PRKCQ: variants seen among roughly 807,000 people sequenced by gnomAD.
PRKCQ encodes protein kinase C theta type.
In PRKCQ, 41 loss-of-function variants were observed where a neutral mutation model predicts 91.2. The ratio of observed to expected loss-of-function variants is 0.45; its 90% confidence interval spans 0.35 to 0.58. PRKCQ has a LOEUF of 0.58. Ranked by LOEUF, PRKCQ falls within the 20% of genes least tolerant of loss-of-function variation. The pLI is 0.00. For missense variants in PRKCQ, 673 were observed against 896.5 expected (o/e 0.75, Z 3.18); for synonymous variants, 307 against 316.9 (o/e 0.97, Z 0.33).
chr10:6,491,320 G>A (rs1186040790), intron 8 of PRKCQ, among the ~76,000 whole-genome samples: 1 of 152,222 alleles, frequency 6.6e-6, no homozygotes, highest in Non-Finnish European at 1.5e-5. Context: ...GACCTGTTGG[G>A]ATTAGGAAGG....
intron 1 of PRKCQ, among the ~76,000 whole-genome samples, chr10:6,518,710 A>T (rs1427281475): frequency 1.3e-5 from 2 of 151,484 alleles, no homozygotes; most frequent in Non-Finnish European, 2.9e-5. Flanking sequence ...AATCCCAGCG[A>T]CTCTGGAGGC....
chr10:6,483,863 C>T (rs1424894285), intron 10 of PRKCQ, among the ~76,000 whole-genome samples: 1 of 152,110 alleles, frequency 6.6e-6, no homozygotes, highest in African/African-American at 2.4e-5. Context: ...GGAAATAGTT[C>T]AACTTAAGAA....
At chr10:6,567,204 A>G (rs1190023480) in intron 1 of PRKCQ, among the ~76,000 whole-genome samples, 1 of 152,244 alleles carries the variant, frequency 6.6e-6, no homozygotes, top group African/African-American at 2.4e-5. Flanking sequence ...TCCACACATC[A>G]GAGGCGACTT....
In PRKCQ at chr10:6,428,133, G is replaced by A; in HGVS notation, c.*74C>T. On this transcript the variant is annotated 3_prime_UTR_variant, in exon 18 of 18. Transcript: ENST00000263125. ...TCTTTCTTTTTCCAAGTTGAAAAAG[G>A]AACCCAAGCAGTGTCTCTTGAACCA... 1 of 1,564,108 alleles carries A rather than the reference G, an allele frequency of 6.4e-7. No individual in the cohort carries two copies. The highest frequency in any genetic ancestry group is 8.7e-7 in the Non-Finnish European group (1 of 1,144,886).
intron 1 of PRKCQ, among the ~76,000 whole-genome samples, chr10:6,562,164 C>T (rs765415045): frequency 3.7e-4 from 56 of 152,060 alleles, no homozygotes; most frequent in Admixed American, 1.1e-3. Flanking sequence ...GAAGGAGAAG[C>T]CCACTCAGGC....
chr10:6,448,722 A>T (rs963488744), intron 15 of PRKCQ, among the ~76,000 whole-genome samples: 2 of 152,092 alleles, frequency 1.3e-5, no homozygotes, highest in Non-Finnish European at 2.9e-5. Context: ...CAAGATTTTT[A>T]AAAAGTCATT....
At chr10:6,487,346 A>C (rs955091504) in intron 8 of PRKCQ, among the ~76,000 whole-genome samples, 9 of 152,224 alleles carry the variant, frequency 5.9e-5, no homozygotes, top group Non-Finnish European at 2.9e-5. Flanking sequence ...ATAAGATGTT[A>C]AAGAAAAAGA....
intron 1 of PRKCQ, among the ~76,000 whole-genome samples, chr10:6,532,105 T>A (rs1199600434): frequency 6.6e-6 from 1 of 152,220 alleles, no homozygotes; most frequent in Non-Finnish European, 1.5e-5. Flanking sequence ...GCCGAAGGAT[T>A]GTTTAATCGG....
chr10:6,458,564 C>T (rs75570249), intron 14 of PRKCQ, among the ~76,000 whole-genome samples: 3,994 of 152,194 alleles, frequency 0.026, 110 homozygotes, highest in African/African-American at 0.066. Context: ...ATGAGGTTAA[C>T]GGAGGCAAAG....
chr10:6,420,979 C>T, the PRKCQ span, among the ~76,000 whole-genome samples: 1 of 151,894 alleles, frequency 6.6e-6, no homozygotes, highest in Non-Finnish European at 1.5e-5. Flanking sequence ...TCATGACTTC[C>T]TCCCCTTTGA....
At chr10:6,486,313 G>A (rs1405642820) in intron 8 of PRKCQ, among the ~76,000 whole-genome samples, 169 bp from the exon 9 acceptor site, 4 of 152,170 alleles carry the variant, frequency 2.6e-5, no homozygotes, top group African/African-American at 9.7e-5. Context: ...CGTGCTGGAA[G>A]GGAAGTGAGG....
intron 15 of PRKCQ, among the ~76,000 whole-genome samples, chr10:6,455,077 C>G (rs1287997535): frequency 1.3e-5 from 2 of 152,110 alleles, no homozygotes; most frequent in African/African-American, 4.8e-5. Context: ...TCAGGTGAGG[C>G]TGAGGGAGTG....
chr10:6,447,942 G>A lies in PRKCQ; in HGVS notation c.1648-5861C>T, dbSNP rs150533120. Among the ~76,000 whole-genome samples the A allele has an allele frequency of 9.2e-5, 14 of 152,292 alleles. No homozygotes were observed. The East Asian group carries it at 2.7e-3, about 29-fold the overall frequency. ...GAGAACACAGCTCCAGTTTTGTTTG[G>A]TTTTTGAGGGCAAAAGGGGCAATGG... is the stretch of plus-strand genomic sequence containing the variant. On this transcript the variant is annotated intron_variant, in intron 15 of 17. Transcript: ENST00000263125.
the PRKCQ span, among the ~76,000 whole-genome samples, chr10:6,415,794 G>T: frequency 6.7e-6 from 1 of 150,012 alleles, no homozygotes; most frequent in Non-Finnish European, 1.5e-5. Context: ...TGCCCAGGCT[G>T]GAGTGTAGTG....
rs765778432 is a variant in PRKCQ at position 6,511,024 on chromosome 10, T to C, written c.289A>G (p.Arg97Gly). 8.1e-6 allele frequency: 13 copies of C among 1,614,166 alleles called. No individual in the cohort carries two copies. In the South Asian group the frequency reaches 1.4e-4, roughly 18 times the overall value. Residue 97 changes from arginine to glycine, a missense_variant, in exon 3 of 18, where the codon AGG (arginine) becomes GGG (glycine). By Grantham distance (125) the Arg-to-Gly change is moderately radical (BLOSUM62 -2). Transcript: ENST00000263125. ...VELYSLAERC[R>G]KNNGKTEIWL... ...ATTTCTGTCTTCCCGTTGTTCTTCC[T>C]GCACCTCTCAGCCAGCGAGTAGAGC...
chr10:6,546,332 A>ATC (rs778180660), intron 1 of PRKCQ, among the ~76,000 whole-genome samples: 9 of 152,228 alleles, frequency 5.9e-5, no homozygotes, highest in Non-Finnish European at 1.2e-4. Flanking sequence ...TCCACACACC[A>ATC]TCCAGGTTTA....
At chr10:6,561,860 A>G (rs1050602967) in intron 1 of PRKCQ, among the ~76,000 whole-genome samples, 5 of 152,210 alleles carry the variant, frequency 3.3e-5, no homozygotes, top group African/African-American at 1.2e-4. Context: ...TGTGTTTAGC[A>G]TGTTATTAAA....
At chr10:6,478,936 G>A (rs1054246176) in intron 12 of PRKCQ, 56 bp downstream of exon 12, 39 of 1,581,900 alleles carry the variant, frequency 2.5e-5, no homozygotes, top group Non-Finnish European at 3.0e-5. Flanking sequence ...GCCATTGAAG[G>A]TATCATGCTG....
At chr10:6,521,086 G>C (rs748948789) in intron 1 of PRKCQ, among the ~76,000 whole-genome samples, 3 of 152,140 alleles carry the variant, frequency 2.0e-5, no homozygotes, top group African/African-American at 7.2e-5. Flanking sequence ...GAGTGCCAGC[G>C]CCCATGCTGC....
Sources: allele counts gnomAD v4.1 joint callset (sites outside exome capture counted in the v4.1 genomes callset), GRCh38; gene constraint gnomAD v4.1.1; transcripts MANE v1.5; gene names NCBI Gene and HGNC (gene_info 2026-07-23, HGNC 2026-07-21).